The following PTPRE variants were observed in gnomAD, a reference collection of about 807,000 sequenced individuals.
PTPRE encodes the protein protein tyrosine phosphatase receptor type E.
Under a neutral mutation model 102.0 loss-of-function variants are expected in PTPRE, and 51 were observed. That is an observed-to-expected ratio of 0.50 (90% CI 0.40 to 0.63). The LOEUF (loss-of-function observed/expected upper bound fraction) is 0.63. PTPRE is among the 30% of genes least tolerant of loss of function. The probability of loss-of-function intolerance (pLI) is 0.00; values close to 1 mark genes in which losing one functional copy is unlikely to be tolerated. For missense variants in PTPRE, 752 were observed against 915.1 expected (o/e 0.82, Z 2.30); for synonymous variants, 345 against 348.2 (o/e 0.99, Z 0.10).
chr10:128,049,568 G>A lies in PTPRE; in HGVS notation c.322G>A (p.Gly108Arg). 1 of 1,614,002 alleles carries A rather than the reference G, an allele frequency of 6.2e-7. No homozygotes were observed. Among genetic ancestry groups the A allele is most frequent in the Non-Finnish European group, 8.5e-7 (1 of 1,180,024 alleles). ...GATGCTGCTCAGCAGGTCACCCTCA[G>A]GGCCCAAGAAGTATTTTCCCATCCC... The part of the protein sequence containing the change: ...RVMLLSRSPS[G>R]PKKYFPIPVE... Residue 108 changes from glycine to arginine, a missense_variant, in exon 6 of 21, where the codon GGG becomes AGG. Physicochemically the swap from Gly to Arg is moderately radical, Grantham distance 125 (BLOSUM62 -2). Coordinates refer to ENST00000254667, the MANE Select transcript of PTPRE (RefSeq NM_006504.6).
In PTPRE at chr10:128,068,261, G is replaced by T. The variant is rs148708260; in HGVS notation, c.982G>T (p.Ala328Ser). ...KKVKTLNPVH[A>S]GPIVVHCSAG... ...AGTAAAGACGCTCAACCCCGTGCAC[G>T]CTGGGCCCATCGTGGTCCACTGTAG... is the stretch of plus-strand genomic sequence containing the variant. The change falls in exon 12 of 21, where the codon GCT (alanine) becomes TCT (serine). Residue 328 changes from alanine to serine, a missense_variant. Ala to Ser is a moderately conservative substitution (Grantham distance 99, BLOSUM62 1). Transcript: ENST00000254667. 7 of 1,613,948 alleles carry T rather than the reference G, an allele frequency of 4.3e-6. No homozygotes were observed. In the Admixed American group the frequency reaches 1.2e-4, roughly 27 times the overall value.
chr10:127,978,133 G>T (rs1414827242), intron 1 of PTPRE, among the ~76,000 whole-genome samples: 1 of 152,122 alleles, frequency 6.6e-6, no homozygotes, highest in Non-Finnish European at 1.5e-5. Flanking sequence ...TATCATTATT[G>T]CCATCTGCAG....
At chr10:127,971,304 G>A (rs530384214) in intron 1 of PTPRE, among the ~76,000 whole-genome samples, 50 of 152,364 alleles carry the variant, frequency 3.3e-4, no homozygotes, top group Middle Eastern at 3.4e-3. Context: ...CGAAGTATCA[G>A]GGAGCTGTTG....
At chr10:127,921,687 C>T (rs924931383) in intron 1 of PTPRE, among the ~76,000 whole-genome samples, 3 of 152,234 alleles carry the variant, frequency 2.0e-5, no homozygotes, top group African/African-American at 7.2e-5. Flanking sequence ...TCCCGAGAGC[C>T]TCCTGCTTGG....
chr10:127,939,961 C>A, intron 1 of PTPRE, among the ~76,000 whole-genome samples: 1 of 127,632 alleles, frequency 7.8e-6, no homozygotes, highest in Admixed American at 7.9e-5. Context: ...TGAGGGCAGG[C>A]GCAGGCAGAT....
At chr10:127,965,092 C>T in intron 1 of PTPRE, 1 of 449,752 alleles carries the variant, frequency 2.2e-6, no homozygotes, top group Non-Finnish European at 4.5e-6. Context: ...CAGTCCAATT[C>T]CTTAATAAGT....
intron 1 of PTPRE, among the ~76,000 whole-genome samples, chr10:127,981,677 G>A (rs1168279165): frequency 6.6e-6 from 1 of 152,094 alleles, no homozygotes; most frequent in Middle Eastern, 3.4e-3. Flanking sequence ...AATTAGCAGG[G>A]CGTGGTGGCA....
intron 1 of PTPRE, among the ~76,000 whole-genome samples, chr10:127,930,428 T>A (rs1847345007): frequency 6.6e-6 from 1 of 152,232 alleles, no homozygotes; most frequent in Non-Finnish European, 1.5e-5. Flanking sequence ...TTAAGAAACA[T>A]CCTTGTGTGT....
chr10:128,025,446 T>A (rs911722567), intron 2 of PTPRE, among the ~76,000 whole-genome samples: 1 of 152,106 alleles, frequency 6.6e-6, no homozygotes, highest in Non-Finnish European at 1.5e-5. Flanking sequence ...ACGTGGTCAT[T>A]TGAGTATGGA....
intron 2 of PTPRE, among the ~76,000 whole-genome samples, chr10:128,024,741 G>A (rs1045255068): frequency 1.3e-5 from 2 of 152,170 alleles, no homozygotes; most frequent in South Asian, 4.1e-4. Flanking sequence ...GGGAGCCCCA[G>A]GAGGAAGCCC....
intron 7 of PTPRE, among the ~76,000 whole-genome samples, chr10:128,060,440 A>G (rs964216007): frequency 2.0e-5 from 3 of 152,026 alleles, no homozygotes; most frequent in East Asian, 1.9e-4. Context: ...AGAGTCCCCA[A>G]TCCTAGACCC....
intron 2 of PTPRE, among the ~76,000 whole-genome samples, chr10:127,991,646 A>G (rs1264704349): frequency 1.3e-5 from 2 of 152,236 alleles, no homozygotes; most frequent in Non-Finnish European, 2.9e-5. Flanking sequence ...GGGGTAATAC[A>G]AATCCAATCC....
intron 1 of PTPRE, among the ~76,000 whole-genome samples, chr10:127,908,631 T>C (rs1845658378): frequency 6.6e-6 from 1 of 152,094 alleles, no homozygotes; most frequent in South Asian, 2.1e-4. Flanking sequence ...CTCTTGGCAT[T>C]TGGGGAGCAA....
At position 128,072,209 on chromosome 10, in the gene PTPRE, A is replaced by T; in HGVS notation, c.1459A>T (p.Ile487Leu). The T allele has an allele frequency of 6.2e-7, 1 of 1,613,424 alleles. No individual in the cohort carries two copies. Among genetic ancestry groups the T allele is most frequent in the Non-Finnish European group, 8.5e-7 (1 of 1,179,484 alleles). ...EYTDYINASFIDGYRQKDYFI... is the reference protein window; with the variant it reads ...EYTDYINASFLDGYRQKDYFI... ...CACAGACTACATCAACGCATCCTTC[A>T]TAGACGTACGTATGCTGGCCTGGGT... The change falls in exon 16 of 21, where the codon ATA (isoleucine) becomes TTA (leucine). Residue 487 changes from isoleucine (I) to leucine (L), a missense_variant. Ile to Leu is a conservative substitution (Grantham distance 5). Transcript: ENST00000254667.
rs1385059873 is a variant in PTPRE at position 128,070,334 on chromosome 10, G to C, written c.1177G>C (p.Glu393Gln). The change falls in exon 14 of 21, where the codon GAG (glutamate) becomes CAG (glutamine). Residue 393 changes from glutamate to glutamine, a missense_variant. This residue lies in a region of PTPRE where 636 missense variants were observed against 824.4 expected (regional missense o/e 0.77). Transcript: ENST00000254667. This position sits in a 1 kb window ranked among gnomAD's most constrained non-coding sequence, Gnocchi z 4.8. ...QYTFIYQALLEYYLYGDTELD... is the reference protein window; with the variant it reads ...QYTFIYQALLQYYLYGDTELD... The stretch of plus-strand genomic sequence containing the variant: ...CACGTTCATCTACCAAGCCTTACTC[G>C]AGTACTACCTCTACGGGGACACAGA... The C allele has an allele frequency of 5.6e-6, 9 of 1,613,900 alleles. No homozygotes were observed. The highest frequency in any genetic ancestry group is 7.6e-6 in the Non-Finnish European group (9 of 1,179,936).
At chr10:127,962,346 C>G (rs961198815) in intron 1 of PTPRE, among the ~76,000 whole-genome samples, 1 of 152,218 alleles carries the variant, frequency 6.6e-6, no homozygotes, top group Non-Finnish European at 1.5e-5. Context: ...TTGTAACTCT[C>G]AAGGCCCCAT....
intron 1 of PTPRE, among the ~76,000 whole-genome samples, chr10:127,933,674 G>T (rs1194527543): frequency 6.6e-6 from 1 of 152,120 alleles, no homozygotes; most frequent in East Asian, 1.9e-4. Flanking sequence ...TGTATCTAAG[G>T]CTCCCTGGCA....
At chr10:128,026,815 T>C (rs1054511204) in intron 2 of PTPRE, among the ~76,000 whole-genome samples, 9 of 152,254 alleles carry the variant, frequency 5.9e-5, no homozygotes, top group Admixed American at 2.0e-4. Context: ...ATCTGAAACA[T>C]GCTGAGTCAA....
At chr10:127,943,951 G>A (rs1848431168) in intron 1 of PTPRE, among the ~76,000 whole-genome samples, 1 of 152,198 alleles carries the variant, frequency 6.6e-6, no homozygotes, top group African/African-American at 2.4e-5. Context: ...GGAGGAGGAA[G>A]TAGTTCCTAT....
Sources: allele counts gnomAD v4.1 joint callset (sites outside exome capture counted in the v4.1 genomes callset), GRCh38; gene constraint gnomAD v4.1.1; regional missense constraint gnomAD v4.1.1; non-coding constraint Gnocchi (gnomAD v3.1); transcripts MANE v1.5; gene names NCBI Gene and HGNC (gene_info 2026-07-23, HGNC 2026-07-21).